The following STPG2 variants were observed in gnomAD, a reference collection of about 807,000 sequenced individuals.
The protein encoded by STPG2 is sperm tail PG-rich repeat containing 2.
Under a neutral mutation model 54.2 loss-of-function variants are expected in STPG2, and 56 were observed. The ratio of observed to expected loss-of-function variants is 1.03; its 90% CI spans 0.83 to 1.29. The LOEUF (loss-of-function observed/expected upper bound fraction) is 1.29, where lower values mean the gene tolerates loss of function less well. Among genes scored for constraint, STPG2 ranks in the 50% most tolerant of loss-of-function variants. The pLI is 0.00. For synonymous variants in STPG2, 200 were observed against 181.8 expected, an observed-to-expected ratio of 1.10 and a Z score of -0.81; for missense variants, 596 against 544.9, an observed-to-expected ratio of 1.09 and a Z score of -0.93.
chr4:98,059,424 T>TA (rs1252697203), intron 5 of STPG2, among the ~76,000 whole-genome samples: 1 of 150,942 alleles, frequency 6.6e-6, no homozygotes, highest in Non-Finnish European at 1.5e-5. Flanking sequence ...AGCCTACCAA[T>TA]AAAAAAAAGC....
intron 9 of STPG2, among the ~76,000 whole-genome samples, chr4:97,815,434 T>C (rs1470295986): frequency 6.6e-6 from 1 of 152,190 alleles, no homozygotes; most frequent in Non-Finnish European, 1.5e-5. Context: ...TTGAGCGTCA[T>C]TCAGTGCTCA....
intron 3 of STPG2, among the ~76,000 whole-genome samples, chr4:98,115,498 T>C (rs1016669852): frequency 3.9e-5 from 6 of 151,990 alleles, no homozygotes; most frequent in African/African-American, 1.4e-4. Flanking sequence ...AAGTTTAACA[T>C]TTGTCACTTA....
intron 7 of STPG2, among the ~76,000 whole-genome samples, chr4:97,964,150 G>C (rs2149250394): frequency 6.6e-6 from 1 of 152,262 alleles, no homozygotes; most frequent in Non-Finnish European, 1.5e-5. Context: ...CAGAGACAAA[G>C]GACTTTATTC....
intron 8 of STPG2, among the ~76,000 whole-genome samples, chr4:97,902,316 C>T (rs1731209191): frequency 1.3e-5 from 2 of 151,972 alleles, no homozygotes; most frequent in African/African-American, 2.4e-5. Context: ...CTATATAAAA[C>T]TTAAAAGCTT....
At chr4:98,113,012 T>C (rs550892178) in intron 3 of STPG2, among the ~76,000 whole-genome samples, 2 of 105,356 alleles carry the variant, frequency 1.9e-5, no homozygotes, top group Admixed American at 9.2e-5. Flanking sequence ...GAAGAAACTA[T>C]GAAAAAAAAA....
At chr4:98,070,349 T>G (rs566538005) in intron 5 of STPG2, among the ~76,000 whole-genome samples, 1 of 152,084 alleles carries the variant, frequency 6.6e-6, no homozygotes, top group African/African-American at 2.4e-5. Context: ...ATAAACTACA[T>G]ATTGAAGGAA....
chr4:97,918,997 G>C (rs1471452082), intron 8 of STPG2, among the ~76,000 whole-genome samples: 1 of 152,148 alleles, frequency 6.6e-6, no homozygotes, highest in Non-Finnish European at 1.5e-5. Flanking sequence ...AGGTTTAATA[G>C]ATTGAAATAA....
intron 5 of STPG2, among the ~76,000 whole-genome samples, chr4:98,091,522 A>G (rs958540303): frequency 2.6e-5 from 4 of 152,052 alleles, no homozygotes; most frequent in South Asian, 2.1e-4. Context: ...TCATTCCCCA[A>G]GCAAAATCAA....
chr4:97,864,475 T>A lies in STPG2; in HGVS notation c.1045-23543A>T, dbSNP rs188938786. ...CAAATGGGAGAACATTACATGCTCA[T>A]GGATAGGAAGAATCAATATCGTGAA... On this transcript the variant is annotated intron_variant, in intron 8 of 10. Transcript: ENST00000295268. Among the ~76,000 whole-genome samples the A allele has an allele frequency of 1.6e-3, 241 of 152,310 alleles. 1 individual carries two copies. Among genetic ancestry groups the A allele is most frequent in the African/African-American group, 5.6e-3 (231 of 41,566 alleles).
intron 10 of STPG2, among the ~76,000 whole-genome samples, chr4:97,712,340 C>T (rs935607059): frequency 5.9e-5 from 9 of 152,136 alleles, no homozygotes; most frequent in African/African-American, 2.2e-4. Flanking sequence ...ACAGGGCTTT[C>T]TTGTGAGCTC....
intron 10 of STPG2, among the ~76,000 whole-genome samples, chr4:97,605,835 G>C (rs1397363043): frequency 6.6e-6 from 1 of 151,194 alleles, no homozygotes; most frequent in Admixed American, 6.6e-5. Flanking sequence ...AAAAATCTGT[G>C]TTTAGAAACA....
At chr4:98,110,411 C>T (rs759829549) in intron 3 of STPG2, among the ~76,000 whole-genome samples, 44 of 152,164 alleles carry the variant, frequency 2.9e-4, no homozygotes, top group Non-Finnish European at 5.1e-4. Flanking sequence ...ACCCTCTAGG[C>T]GCATTCAACT....
chr4:97,892,638 A>G (rs1167252402), intron 8 of STPG2, among the ~76,000 whole-genome samples: 1 of 152,160 alleles, frequency 6.6e-6, no homozygotes, highest in African/African-American at 2.4e-5. Context: ...TAATAGTTTA[A>G]AAAACAACCT....
At chr4:98,061,501 C>G (rs1029045810) in intron 5 of STPG2, among the ~76,000 whole-genome samples, 1 of 152,122 alleles carries the variant, frequency 6.6e-6, no homozygotes, top group African/African-American at 2.4e-5. Context: ...ATGATCCAAT[C>G]ACCTCCCACC....
At chr4:97,849,621 G>C (rs1031309466) in intron 8 of STPG2, among the ~76,000 whole-genome samples, 19 of 152,268 alleles carry the variant, frequency 1.2e-4, no homozygotes, top group African/African-American at 3.8e-4. Context: ...GACACGAACA[G>C]ACACTTCTCA....
intron 10 of STPG2, among the ~76,000 whole-genome samples, chr4:97,560,052 C>T (rs1271377948): frequency 6.6e-6 from 1 of 152,132 alleles, no homozygotes; most frequent in Non-Finnish European, 1.5e-5. Context: ...TGTCTGCTCT[C>T]ATTGATCAGG....
At chr4:97,649,158 C>A (rs1721995314) in intron 10 of STPG2, among the ~76,000 whole-genome samples, 1 of 152,104 alleles carries the variant, frequency 6.6e-6, no homozygotes, top group African/African-American at 2.4e-5. Flanking sequence ...GGCATCCCGA[C>A]CATTCTTGTT....
intron 7 of STPG2, among the ~76,000 whole-genome samples, chr4:97,958,375 T>C (rs1477092201): frequency 6.6e-6 from 1 of 151,866 alleles, no homozygotes; most frequent in Non-Finnish European, 1.5e-5. Flanking sequence ...ATAAATGGAA[T>C]AGTACCTCAT....
At chr4:97,885,503 GACCACATTAAATCCAGGAT>G (rs1730529928) in intron 8 of STPG2, among the ~76,000 whole-genome samples, 1 of 152,092 alleles carries the variant, frequency 6.6e-6, no homozygotes, top group African/African-American at 2.4e-5. Context: ...ATATTCAATT[GACCACATTAAATCCAGGAT>G]ACCTAGTGTT....
Sources: allele counts gnomAD v4.1 joint callset (sites outside exome capture counted in the v4.1 genomes callset), GRCh38; gene constraint gnomAD v4.1.1; transcripts MANE v1.5; gene names NCBI Gene and HGNC (gene_info 2026-07-23, HGNC 2026-07-21).